The following EPB41L2 variants were observed in gnomAD, a reference collection of about 807,000 sequenced individuals.
The protein encoded by EPB41L2 is band 4.1-like protein 2.
Under a neutral mutation model 113.0 loss-of-function variants are expected in EPB41L2, and 43 were observed. The ratio of observed to expected loss-of-function variants is 0.38; its 90% CI spans 0.30 to 0.49. The LOEUF (loss-of-function observed/expected upper bound fraction) is 0.49. Ranked by LOEUF, EPB41L2 falls within the 20% of genes least tolerant of loss-of-function variation. The pLI is 0.95. For synonymous variants in EPB41L2, 442 were observed against 436.7 expected (o/e 1.01, Z -0.15); for missense variants, 1,147 against 1,223.4 (o/e 0.94, Z 0.93).
Position 130,867,484 on chromosome 6 carries a change from T to C in EPB41L2, c.2705A>G (p.Lys902Arg), listed in dbSNP as rs1435590413. The C allele has an allele frequency of 1.4e-5, 22 of 1,614,018 alleles. No individual in the cohort carries two copies. The highest frequency in any genetic ancestry group is 1.8e-5 in the Non-Finnish European group (21 of 1,179,902). The change falls in exon 16 of 20, where the codon AAA becomes AGA. Residue 902 changes from lysine (K) to arginine (R), a missense_variant. Lys to Arg is a conservative substitution (Grantham distance 26). Coordinates refer to ENST00000337057, the MANE Select transcript of EPB41L2 (RefSeq NM_001431.4). ...CTGTGGAGACTCATATGTGATGGTTTTGGTCTCAGTTTGGACAATGGGGAC... is the reference window on the plus strand; with the variant it reads ...CTGTGGAGACTCATATGTGATGGTTCTGGTCTCAGTTTGGACAATGGGGAC... ...KEVPIVQTET[K>R]TITYESPQID...
chr6:130,980,878 T>A (rs1295858560), intron 1 of EPB41L2, among the ~76,000 whole-genome samples: 1 of 152,220 alleles, frequency 6.6e-6, no homozygotes, highest in Non-Finnish European at 1.5e-5. Flanking sequence ...AGCTCTTTTC[T>A]GTCTATAAAA....
chr6:130,967,726 C>G (rs944435898), intron 1 of EPB41L2, among the ~76,000 whole-genome samples: 1 of 152,202 alleles, frequency 6.6e-6, no homozygotes, highest in Non-Finnish European at 1.5e-5. Flanking sequence ...CACACCTCTT[C>G]CCTGCCCATC....
intron 1 of EPB41L2, among the ~76,000 whole-genome samples, chr6:130,957,731 T>C (rs555347430): frequency 3.5e-4 from 54 of 152,274 alleles, no homozygotes; most frequent in African/African-American, 1.3e-3. Flanking sequence ...ATATAATTCA[T>C]GTACCATAAA....
At chr6:131,024,008 A>C (rs1790245960) in intron 1 of EPB41L2, among the ~76,000 whole-genome samples, 1 of 152,076 alleles carries the variant, frequency 6.6e-6, no homozygotes, top group Non-Finnish European at 1.5e-5. Context: ...AAAGGAGGAA[A>C]GTGGACAAAG....
At chr6:130,963,519 A>G (rs1459412336) in intron 1 of EPB41L2, among the ~76,000 whole-genome samples, 2 of 152,212 alleles carry the variant, frequency 1.3e-5, no homozygotes, top group East Asian at 3.8e-4. Context: ...CCCTTTCTTC[A>G]TATGTTGGAG....
chr6:130,979,534 T>C (rs1778913920), intron 1 of EPB41L2, among the ~76,000 whole-genome samples: 1 of 151,054 alleles, frequency 6.6e-6, no homozygotes, highest in South Asian at 2.1e-4. Flanking sequence ...TAAGATGATG[T>C]TCCAGGGATC....
chr6:130,937,138 G>T (rs549433517), intron 3 of EPB41L2, among the ~76,000 whole-genome samples: 1 of 152,090 alleles, frequency 6.6e-6, no homozygotes, highest in Non-Finnish European at 1.5e-5. Context: ...CTGACATGTC[G>T]TTATCACCCA....
At chr6:130,898,882 G>A (rs890050514) in intron 8 of EPB41L2, among the ~76,000 whole-genome samples, 4 of 151,814 alleles carry the variant, frequency 2.6e-5, no homozygotes, top group South Asian at 2.1e-4. Context: ...TTGGGATTAC[G>A]GTGTTCAGGA....
chr6:130,991,480 C>T (rs1584332195), intron 1 of EPB41L2, among the ~76,000 whole-genome samples: 1 of 152,208 alleles, frequency 6.6e-6, no homozygotes, highest in South Asian at 2.1e-4. Flanking sequence ...AAAGGTCTTA[C>T]TACTGGGCAT....
intron 1 of EPB41L2, among the ~76,000 whole-genome samples, chr6:131,024,037 A>T (rs1229786230): frequency 6.6e-6 from 1 of 152,124 alleles, no homozygotes; most frequent in African/African-American, 2.4e-5. Flanking sequence ...TCACTGTGAA[A>T]GATGGACATG....
At chr6:130,893,557 ACT>A (rs1178064346) in intron 10 of EPB41L2, among the ~76,000 whole-genome samples, 3 of 152,228 alleles carry the variant, frequency 2.0e-5, no homozygotes, top group Non-Finnish European at 4.4e-5. Flanking sequence ...GCCTAGCAGC[ACT>A]GAGGATCCAG....
At chr6:130,928,032 G>A (rs1384101851) in intron 3 of EPB41L2, among the ~76,000 whole-genome samples, 1 of 152,168 alleles carries the variant, frequency 6.6e-6, no homozygotes, top group African/African-American at 2.4e-5. Context: ...GGCTGAGGCT[G>A]CAGTGAGCTG....
intron 1 of EPB41L2, among the ~76,000 whole-genome samples, chr6:130,977,307 C>T (rs1778405707): frequency 6.6e-6 from 1 of 151,938 alleles, no homozygotes. Flanking sequence ...TGTACCTCTA[C>T]CTCTTGCCTT....
intron 3 of EPB41L2, among the ~76,000 whole-genome samples, chr6:130,952,039 C>T (rs1194726114): frequency 6.6e-6 from 1 of 152,054 alleles, no homozygotes. Flanking sequence ...TTGGCTACTG[C>T]AACATAACCT....
At chr6:130,948,335 C>G (rs2128603435) in intron 3 of EPB41L2, among the ~76,000 whole-genome samples, 1 of 152,170 alleles carries the variant, frequency 6.6e-6, no homozygotes, top group Non-Finnish European at 1.5e-5. Context: ...GGACTAGTTA[C>G]ACAGATAAGA....
chr6:130,921,150 AC>A (rs1018453379), intron 4 of EPB41L2, among the ~76,000 whole-genome samples: 4 of 151,294 alleles, frequency 2.6e-5, no homozygotes, highest in Non-Finnish European at 4.4e-5. Flanking sequence ...GGTTTTCATC[AC>A]CTCTAGACTA....
At chr6:130,954,172 C>T (rs1398263465) in intron 3 of EPB41L2, among the ~76,000 whole-genome samples, 9 of 150,928 alleles carry the variant, frequency 6.0e-5, no homozygotes, top group Non-Finnish European at 1.3e-4. Flanking sequence ...CCTGCCTCAG[C>T]CTCCCCAGTA....
At chr6:130,939,420 AT>A (rs562686546) in intron 3 of EPB41L2, among the ~76,000 whole-genome samples, 1 of 151,934 alleles carries the variant, frequency 6.6e-6, no homozygotes, top group East Asian at 1.9e-4. Context: ...AGCCCGGCTA[AT>A]TTTTTGTATC....
intron 1 of EPB41L2, among the ~76,000 whole-genome samples, chr6:131,011,233 A>G (rs1430770817): frequency 6.6e-6 from 1 of 152,228 alleles, no homozygotes. Flanking sequence ...AGAATAGAGG[A>G]TGAAGTAGGA....
Sources: allele counts gnomAD v4.1 joint callset (sites outside exome capture counted in the v4.1 genomes callset), GRCh38; gene constraint gnomAD v4.1.1; transcripts MANE v1.5; gene names NCBI Gene and HGNC (gene_info 2026-07-23, HGNC 2026-07-21).